MACROD2: variants seen among roughly 807,000 people sequenced by gnomAD.
The protein encoded by MACROD2 is ADP-ribose glycohydrolase MACROD2.
In MACROD2, 36 loss-of-function variants were observed where a neutral mutation model predicts 70.4. The observed-to-expected ratio is 0.51, with a 90% CI of 0.39 to 0.68. The LOEUF (loss-of-function observed/expected upper bound fraction) is 0.68. Ranked by LOEUF, MACROD2 falls within the 30% of genes least tolerant of loss-of-function variation. The pLI is 0.00. For missense variants in MACROD2, 496 were observed against 538.4 expected (o/e 0.92, Z 0.78); for synonymous variants, 172 against 178.8 (o/e 0.96, Z 0.30).
intron 3 of MACROD2, among the ~76,000 whole-genome samples, chr20:14,281,933 CAAAAAAA>C (rs571115190): frequency 2.1e-5 from 2 of 96,578 alleles, no homozygotes; most frequent in Non-Finnish European, 3.8e-5. Context: ...GACTCCCTCT[CAAAAAAA>C]AAAAAAAAAA....
At chr20:16,017,782 A>C (rs927321302) in intron 15 of MACROD2, among the ~76,000 whole-genome samples, 1 of 152,216 alleles carries the variant, frequency 6.6e-6, no homozygotes, top group Admixed American at 6.5e-5. Context: ...CTCACATTTC[A>C]TGACACATAG....
At chr20:14,560,981 A>G (rs1322482411) in intron 4 of MACROD2, among the ~76,000 whole-genome samples, 1 of 151,838 alleles carries the variant, frequency 6.6e-6, no homozygotes, top group Non-Finnish European at 1.5e-5. Context: ...CATTCATTTG[A>G]TAGGACAGGA....
At chr20:15,248,911 G>A (rs1197589508) in intron 6 of MACROD2, among the ~76,000 whole-genome samples, 2 of 152,160 alleles carry the variant, frequency 1.3e-5, no homozygotes, top group African/African-American at 4.8e-5. Flanking sequence ...CAAGTACTTG[G>A]TTACAAGGAA....
intron 5 of MACROD2, among the ~76,000 whole-genome samples, chr20:14,840,289 C>T (rs1010561463): frequency 6.6e-6 from 1 of 152,174 alleles, no homozygotes; most frequent in Non-Finnish European, 1.5e-5. Context: ...CTGTCCATCT[C>T]AGACTCCCAA....
At chr20:14,494,998 CT>C (rs2084837823) in intron 4 of MACROD2, among the ~76,000 whole-genome samples, 1 of 152,080 alleles carries the variant, frequency 6.6e-6, no homozygotes, top group South Asian at 2.1e-4. Context: ...AAAATTGAGT[CT>C]ATGTAAACAC....
At chr20:14,242,157 T>A (rs2081935163) in intron 3 of MACROD2, among the ~76,000 whole-genome samples, 1 of 152,194 alleles carries the variant, frequency 6.6e-6, no homozygotes, top group South Asian at 2.1e-4. Flanking sequence ...TGCATACATT[T>A]AAAAAATTAA....
At chr20:15,770,533 A>G (rs905017433) in intron 8 of MACROD2, among the ~76,000 whole-genome samples, 1 of 152,116 alleles carries the variant, frequency 6.6e-6, no homozygotes, top group African/African-American at 2.4e-5. Flanking sequence ...TCTCATCAGG[A>G]ACTTAAAAGA....
chr20:15,363,904 T>C (rs6079787), intron 6 of MACROD2, among the ~76,000 whole-genome samples: 21,593 of 152,156 alleles, frequency 0.14, 1,544 homozygotes, highest in African/African-American at 0.15. Flanking sequence ...CTACAAGGAA[T>C]AGCAGTTAGC....
chr20:15,986,739 A>G lies in MACROD2; in HGVS notation c.998A>G (p.Asp333Gly), dbSNP rs758898084. 3 of 1,613,152 alleles carry G rather than the reference A, an allele frequency of 1.9e-6. No individual in the cohort carries two copies. Among genetic ancestry groups the G allele is most frequent in the South Asian group, 1.1e-5 (1 of 91,040 alleles). Residue 333 changes from aspartate (D) to glycine (G), a missense_variant, in exon 14 of 18, where the codon GAT becomes GGT. Physicochemically the swap from Asp to Gly is moderately conservative, Grantham distance 94. Transcript: ENST00000684519. ...CTGTTTTGAACAGGACAAGAGAATG[A>G]TTCAACGAAGAATGAAATAAAAATT... ...DQDHPDGQEN[D>G]STKNEIKIET...
At chr20:15,712,295 AC>A (rs763427116) in intron 8 of MACROD2, among the ~76,000 whole-genome samples, 179 of 152,336 alleles carry the variant, frequency 1.2e-3, no homozygotes, top group Non-Finnish European at 2.1e-3. Context: ...TTCCAATAAA[AC>A]TTTATTCACA....
intron 3 of MACROD2, chr20:14,325,631 T>A: frequency 6.2e-7 from 1 of 1,613,678 alleles, no homozygotes; most frequent in Non-Finnish European, 8.5e-7. Flanking sequence ...TCACTGTGAT[T>A]GTTTTTGTAC....
intron 5 of MACROD2, among the ~76,000 whole-genome samples, chr20:14,933,019 A>G (rs1006810570): frequency 1.3e-5 from 2 of 152,168 alleles, no homozygotes; most frequent in Non-Finnish European, 2.9e-5. Context: ...AGATTTTTAA[A>G]TAAGTATTAA....
At chr20:14,221,373 G>A (rs1371574238) in intron 3 of MACROD2, among the ~76,000 whole-genome samples, 1 of 152,072 alleles carries the variant, frequency 6.6e-6, no homozygotes, top group Non-Finnish European at 1.5e-5. Flanking sequence ...GCATGTTGGG[G>A]GGCTGACACA....
At chr20:15,797,176 T>A (rs1036774954) in intron 8 of MACROD2, among the ~76,000 whole-genome samples, 1 of 152,120 alleles carries the variant, frequency 6.6e-6, no homozygotes, top group African/African-American at 2.4e-5. Context: ...TGCAGTGGCG[T>A]GATCTCGGCT....
chr20:14,965,969 T>C (rs1195760005), intron 5 of MACROD2, among the ~76,000 whole-genome samples: 1 of 152,074 alleles, frequency 6.6e-6, no homozygotes, highest in African/African-American at 2.4e-5. Context: ...TACTTTTCAG[T>C]GGGGTATGTT....
At chr20:15,605,409 T>C (rs905575271) in intron 8 of MACROD2, among the ~76,000 whole-genome samples, 3 of 151,636 alleles carry the variant, frequency 2.0e-5, no homozygotes, top group Non-Finnish European at 4.4e-5. Flanking sequence ...TTGTGGGGCA[T>C]AGACTCTTTC....
intron 4 of MACROD2, among the ~76,000 whole-genome samples, chr20:14,617,125 A>G (rs1468362821): frequency 1.3e-5 from 2 of 152,066 alleles, no homozygotes; most frequent in Non-Finnish European, 2.9e-5. Flanking sequence ...CTTGTTTGAC[A>G]TTGTCAGTTG....
At chr20:15,132,639 T>A (rs910991205) in intron 5 of MACROD2, among the ~76,000 whole-genome samples, 5 of 151,888 alleles carry the variant, frequency 3.3e-5, no homozygotes, top group African/African-American at 1.2e-4. Context: ...AAAAAAACTT[T>A]CAAATAATTC....
intron 8 of MACROD2, among the ~76,000 whole-genome samples, chr20:15,605,650 G>T (rs549751778): frequency 6.6e-6 from 1 of 152,226 alleles, no homozygotes; most frequent in South Asian, 2.1e-4. Context: ...ACATGTATAA[G>T]TTTGAAAATA....
Sources: allele counts gnomAD v4.1 joint callset (sites outside exome capture counted in the v4.1 genomes callset), GRCh38; gene constraint gnomAD v4.1.1; transcripts MANE v1.5; gene names NCBI Gene and HGNC (gene_info 2026-07-23, HGNC 2026-07-21).